Variants in LIN28B observed in about 807,000 individuals in gnomAD.
LIN28B encodes lin-28 RNA binding posttranscriptional regulator B, also known as protein lin-28 homolog B.
In LIN28B, 5 loss-of-function variants were observed where a neutral mutation model predicts 21.9. The ratio of observed to expected loss-of-function variants is 0.23; its 90% CI spans 0.12 to 0.48. LIN28B has a LOEUF of 0.48. LIN28B is among the 20% of genes least tolerant of loss of function. LIN28B has a pLI of 0.98. For missense variants in LIN28B, 245 were observed against 310.5 expected, an observed-to-expected ratio of 0.79 and a Z score of 1.58; for synonymous variants, 109 against 111.3, an observed-to-expected ratio of 0.98 and a Z score of 0.13.
intron 2 of LIN28B, among the ~76,000 whole-genome samples, chr6:104,990,555 G>GT (rs1770440146): frequency 7.4e-6 from 1 of 134,396 alleles, no homozygotes. Context: ...TTTTAGTCTT[G>GT]TTTTTTATTT....
chr6:104,971,124 A>G (rs1330694125), intron 2 of LIN28B, among the ~76,000 whole-genome samples: 1 of 152,166 alleles, frequency 6.6e-6, no homozygotes, highest in Non-Finnish European at 1.5e-5. Context: ...ATTTGAAACA[A>G]TAGTTTCAAA....
At chr6:104,991,269 G>A (rs978737904) in intron 2 of LIN28B, among the ~76,000 whole-genome samples, 1 of 151,618 alleles carries the variant, frequency 6.6e-6, no homozygotes, top group African/African-American at 2.4e-5. Context: ...GGTGGCTGCC[G>A]GGTGGAGGGG....
chr6:104,957,124 A>G lies in LIN28B; in HGVS notation c.-127A>G. The G allele has an allele frequency of 6.2e-7, 1 of 1,606,828 alleles. No individual in the cohort carries two copies. The highest frequency in any genetic ancestry group is 1.1e-5 in the South Asian group (1 of 89,956). ...AAAAAAATCAAAAGAAGGAAAGCAC[A>G]TTAGACCATGCGAGCTAAATTTGTG... On this transcript the variant is annotated 5_prime_UTR_variant, in exon 1 of 4. Coordinates refer to ENST00000345080, the MANE Select transcript of LIN28B (RefSeq NM_001004317.4).
chr6:105,070,446 G>A (rs947914486), intron 3 of LIN28B, among the ~76,000 whole-genome samples: 11 of 152,030 alleles, frequency 7.2e-5, no homozygotes, highest in African/African-American at 2.7e-4. Flanking sequence ...AAAATTTACA[G>A]AGTAAAAGTG....
intron 2 of LIN28B, among the ~76,000 whole-genome samples, chr6:105,006,571 CAA>C (rs1033088412): frequency 2.6e-5 from 4 of 152,190 alleles, no homozygotes. Flanking sequence ...CTTGGCCTCC[CAA>C]AGTGTTGGGA....
upstream of LIN28B, among the ~76,000 whole-genome samples, chr6:104,956,216 A>C (rs1395173327): frequency 2.1e-4 from 27 of 127,620 alleles, no homozygotes; most frequent in African/African-American, 3.1e-4. Flanking sequence ...GCTCCTCTTC[A>C]CCTCCCCTGC....
intron 3 of LIN28B, among the ~76,000 whole-genome samples, chr6:105,033,029 A>G (rs1273817837): frequency 6.6e-6 from 1 of 152,044 alleles, no homozygotes; most frequent in Non-Finnish European, 1.5e-5. Context: ...TTCTAGAACA[A>G]AAGTTTTTAA....
chr6:104,993,216 C>T (rs1031060304), intron 2 of LIN28B, among the ~76,000 whole-genome samples: 6 of 152,098 alleles, frequency 3.9e-5, no homozygotes, highest in African/African-American at 1.4e-4. Flanking sequence ...TCATGTAATC[C>T]CAGCACTTAG....
rs984759983 is a variant in LIN28B at position 104,957,317 on chromosome 6, C to T, written c.10+57C>T. 8 of 1,225,718 alleles carry T rather than the reference C, an allele frequency of 6.5e-6. No homozygotes were observed. In the African/African-American group the frequency reaches 1.4e-4, roughly 22 times the overall value. 75.9% of individuals were successfully genotyped at this position (1,225,718 alleles called of 1,614,324 possible). The stretch of plus-strand genomic sequence containing the variant: ...ATTTCTTTCTTCTTTTCTCCTCCCC[C>T]TCCCCCTCTCCCACCCTTCTTAGAC... On this transcript the variant is annotated intron_variant, in intron 1 of 3. Coordinates refer to ENST00000345080, the MANE Select transcript of LIN28B (RefSeq NM_001004317.4).
intron 1 of LIN28B, 99 bp from the exon 2 acceptor site, chr6:104,958,000 C>G: frequency 1.2e-6 from 1 of 815,414 alleles, no homozygotes; most frequent in Non-Finnish European, 1.8e-6. Context: ...TTCTGTTACC[C>G]TTCCCCCCCA....
At chr6:104,944,765 G>A (rs1778137158) in intron 2 of LIN28B, among the ~76,000 whole-genome samples, 1 of 152,014 alleles carries the variant, frequency 6.6e-6, no homozygotes, top group South Asian at 2.1e-4. Context: ...ATAGAACTTT[G>A]ACATGATTCT....
chr6:104,982,146 C>T (rs111823723), intron 2 of LIN28B, among the ~76,000 whole-genome samples: 9 of 152,090 alleles, frequency 5.9e-5, no homozygotes, highest in African/African-American at 1.7e-4. Flanking sequence ...AACCCTGTCT[C>T]TACTAAAAGT....
At chr6:104,978,296 A>T (rs886845902) in intron 2 of LIN28B, among the ~76,000 whole-genome samples, 1 of 152,198 alleles carries the variant, frequency 6.6e-6, no homozygotes, top group African/African-American at 2.4e-5. Flanking sequence ...AAGTCCAAAA[A>T]ACATTGAACT....
At chr6:105,004,137 A>G (rs961406272) in intron 2 of LIN28B, among the ~76,000 whole-genome samples, 19 of 152,016 alleles carry the variant, frequency 1.2e-4, no homozygotes, top group African/African-American at 4.1e-4. Flanking sequence ...GTCTTTTCAC[A>G]TTTTTCTGCC....
intron 3 of LIN28B, among the ~76,000 whole-genome samples, chr6:105,034,457 TA>T (rs1002838897): frequency 5.3e-5 from 8 of 151,936 alleles, no homozygotes; most frequent in South Asian, 2.1e-4. Flanking sequence ...AATAGACTGT[TA>T]AAAAAAAGAT....
chr6:104,994,207 T>G (rs1030740402), intron 2 of LIN28B, among the ~76,000 whole-genome samples: 1 of 152,060 alleles, frequency 6.6e-6, no homozygotes, highest in Admixed American at 6.5e-5. Context: ...CATTTCACTG[T>G]GTTAGCCAGG....
At chr6:105,020,098 C>T (rs1771105529) in intron 2 of LIN28B, among the ~76,000 whole-genome samples, 2 of 148,844 alleles carry the variant, frequency 1.3e-5, no homozygotes, top group African/African-American at 2.5e-5. Context: ...ACTCCTTATT[C>T]CTGTTATTCT....
chr6:105,074,513 A>G (rs1772388991), intron 3 of LIN28B, among the ~76,000 whole-genome samples: 1 of 152,050 alleles, frequency 6.6e-6, no homozygotes, highest in Non-Finnish European at 1.5e-5. Flanking sequence ...ATCTGAAATT[A>G]TAAATCTTAT....
intron 2 of LIN28B, among the ~76,000 whole-genome samples, chr6:105,020,909 C>T (rs1463295561): frequency 7.2e-5 from 11 of 151,872 alleles, no homozygotes; most frequent in Non-Finnish European, 1.3e-4. Flanking sequence ...CCCACCACCA[C>T]GCCCGGCTAA....
Sources: allele counts gnomAD v4.1 joint callset (sites outside exome capture counted in the v4.1 genomes callset), GRCh38; gene constraint gnomAD v4.1.1; transcripts MANE v1.5; gene names NCBI Gene and HGNC (gene_info 2026-07-23, HGNC 2026-07-21).